PYCR2: variants seen among roughly 807,000 people sequenced by gnomAD.
PYCR2 encodes pyrroline-5-carboxylate reductase 2.
In PYCR2, 17 loss-of-function variants were observed where a neutral mutation model predicts 23.4. The ratio of observed to expected loss-of-function variants is 0.73; its 90% CI spans 0.50 to 1.09. The LOEUF (loss-of-function observed/expected upper bound fraction) is 1.09, where lower values mean the gene tolerates loss of function less well. Ranked by LOEUF, PYCR2 falls within the 50% of genes least tolerant of loss-of-function variation. The pLI is 0.00. For missense variants in PYCR2, 380 were observed against 423.5 expected (o/e 0.90, Z 0.90); for synonymous variants, 172 against 176.6 (o/e 0.97, Z 0.21).
At position 225,922,358 on chromosome 1, in the gene PYCR2, C is replaced by T. The variant is rs1158643590; in HGVS notation, c.164G>A (p.Ser55Asn). The T allele has an allele frequency of 1.2e-6, 2 of 1,613,808 alleles. No homozygotes were observed. Among genetic ancestry groups the T allele is most frequent in the South Asian group, 2.2e-5 (2 of 91,078 alleles). Reference protein sequence around the residue: ...LRKMGVNLTRSNKETVKHSDV... With the variant: ...LRKMGVNLTRNNKETVKHSDV... Reference sequence around the variant, plus strand: ...GCTGTGCTTCACCGTCTCCTTGTTGCTGCGTGTCAGGTTCACACCCATCTT... The same window carrying T: ...GCTGTGCTTCACCGTCTCCTTGTTGTTGCGTGTCAGGTTCACACCCATCTT... The change falls in exon 3 of 7, where the codon AGC becomes AAC. Residue 55 changes from serine (S) to asparagine (N), a missense_variant. Ser to Asn is a conservative substitution (Grantham distance 46, BLOSUM62 1). Transcript: ENST00000343818.
Position 225,921,456 on chromosome 1 carries a change from C to T in PYCR2, c.634-85G>A. 6.5e-7 allele frequency: 1 copy of T among 1,548,102 alleles called. No homozygotes were observed. The highest frequency in any genetic ancestry group is 8.9e-7 in the Non-Finnish European group (1 of 1,125,908). On this transcript the variant is annotated intron_variant, in intron 5 of 6. Transcript: ENST00000343818. The surrounding 1 kb of genome is among the most constrained non-coding windows in gnomAD (Gnocchi z 4.2). Reference sequence around the variant, plus strand: ...ACCCACTGCTCCTGCCCAACTGCTACCCCAGCTTCCCAACCAACTCCCACC... The same window carrying T: ...ACCCACTGCTCCTGCCCAACTGCTATCCCAGCTTCCCAACCAACTCCCACC...
chr1:225,923,701 C>A lies in PYCR2; in HGVS notation c.138G>T (p.Arg46Ser). Residue 46 changes from arginine (R) to serine (S), a missense_variant and splice_region_variant, in exon 2 of 7, where the codon AGG becomes AGT. Physicochemically the swap from Arg to Ser is moderately radical, Grantham distance 110. Coordinates refer to ENST00000343818, the MANE Select transcript of PYCR2 (RefSeq NM_013328.4). The stretch of plus-strand genomic sequence containing the variant: ...TCCCACTCCGCCCGGCTCCACCTAC[C>A]CTGAGCGCGGACACCGTGGGCAGGT... The part of the protein sequence containing the change: ...EMNLPTVSAL[R>S]KMGVNLTRSN... 1.2e-6 allele frequency: 2 copies of A among 1,614,130 alleles called. No homozygotes were observed. Among genetic ancestry groups the A allele is most frequent in the South Asian group, 2.2e-5 (2 of 91,076 alleles).
At position 225,921,072 on chromosome 1, in the gene PYCR2, G is replaced by C; in HGVS notation, c.797+136C>G. The C allele has an allele frequency of 1.1e-6, 1 of 897,652 alleles. No individual in the cohort carries two copies. The highest frequency in any genetic ancestry group is 1.7e-6 in the Non-Finnish European group (1 of 588,704). 55.6% of individuals were successfully genotyped at this position (897,652 alleles called of 1,614,324 possible). A position where few individuals can be genotyped will look rare whatever the true frequency, so the allele number is the denominator to read the frequency against. On this transcript the variant is annotated intron_variant, in intron 6 of 6. Transcript: ENST00000343818. The surrounding 1 kb of genome is among the most constrained non-coding windows in gnomAD (Gnocchi z 4.2). ...AGGTAAACAAAATCTACTAAGTTGTGGTTATTAACAGAGCACAGACTCCAA... is the reference window on the plus strand; with the variant it reads ...AGGTAAACAAAATCTACTAAGTTGTCGTTATTAACAGAGCACAGACTCCAA...
chr1:225,920,318 G>T lies in PYCR2; in HGVS notation c.*137C>A. The T allele has an allele frequency of 1.3e-6, 1 of 785,220 alleles. No homozygotes were observed. The highest frequency in any genetic ancestry group is 1.9e-6 in the Non-Finnish European group (1 of 536,868). The allele number at this position is 785,220 out of a possible 1,614,324, so 48.6% of individuals were successfully genotyped here. A position where few individuals can be genotyped will look rare whatever the true frequency, so the allele number is the denominator to read the frequency against. ...AGATTTAAGGAGGTTTTATCACAAG[G>T]ACCTGAAAACTTCCTAAGCATGCTT... On this transcript the variant is annotated 3_prime_UTR_variant, in exon 7 of 7. Transcript: ENST00000343818.
In PYCR2 at chr1:225,921,774, C is replaced by T. The variant is rs567135379; in HGVS notation, c.540+84G>A. On this transcript the variant is annotated intron_variant, in intron 4 of 6. Transcript: ENST00000343818. This position sits in a 1 kb window ranked among gnomAD's most constrained non-coding sequence, Gnocchi z 4.2. ...CAGCCAGCTGTGCCCAAGAGGTGGG[C>T]GCCACCCCCAGTCCAAGCCTGCCTG... is the stretch of plus-strand genomic sequence containing the variant. 2.8e-5 allele frequency: 45 copies of T among 1,588,730 alleles called. No homozygotes were observed. The highest frequency in any genetic ancestry group is 3.3e-4 in the Middle Eastern group (2 of 5,986).
intron 2 of PYCR2, 85 bp downstream of exon 2, chr1:225,923,616 G>C: frequency 6.2e-7 from 1 of 1,603,394 alleles, no homozygotes; most frequent in South Asian, 1.1e-5. Flanking sequence ...GCACTTGGGC[G>C]CAGGGGCCGG....
chr1:225,921,289 A>AT lies in PYCR2; in HGVS notation c.715dup (p.Ile239AsnfsTer21). On this transcript the variant is annotated frameshift_variant, in exon 6 of 7. Coordinates refer to ENST00000343818, the MANE Select transcript of PYCR2 (RefSeq NM_013328.4). LOFTEE classifies it high-confidence loss of function. The surrounding 1 kb of genome is among the most constrained non-coding windows in gnomAD (Gnocchi z 4.2). ...ACTCTCTAGAAAGTGCAGGGCGTGG[A>AT]TGGTGGCTCCCCCAGGGGAGCAGAC... The AT allele has an allele frequency of 6.2e-7, 1 of 1,609,948 alleles. No homozygotes were observed. Among genetic ancestry groups the AT allele is most frequent in the Non-Finnish European group, 8.5e-7 (1 of 1,176,172 alleles).
Position 225,923,760 on chromosome 1 carries a change from C to A in PYCR2, c.79G>T (p.Ala27Ser). Residue 27 changes from alanine (A) to serine (S), a missense_variant, in exon 2 of 7, where the codon GCT becomes TCT. By Grantham distance (99) the Ala-to-Ser change is moderately conservative. Coordinates refer to ENST00000343818, the MANE Select transcript of PYCR2 (RefSeq NM_013328.4). ...RGFTAAGILS[A>S]HKIIASSPEM... ...GGGGAGCTGGCTATTATCTTGTGAG[C>A]CGACAGGATGCCTGCAGAAGACAGA... The A allele has an allele frequency of 1.2e-6, 2 of 1,614,200 alleles. No homozygotes were observed. The highest frequency in any genetic ancestry group is 1.7e-6 in the Non-Finnish European group (2 of 1,180,026).
At chr1:225,923,914 C>A in intron 1 of PYCR2, 130 bp downstream of exon 1, 3 of 1,470,916 alleles carry the variant, frequency 2.0e-6, no homozygotes, top group South Asian at 2.4e-5. Context: ...GACGCACTTG[C>A]TGCTCAACCA....
Position 225,923,713 on chromosome 1 carries a change from C to T in PYCR2, c.126G>A (p.Val42=). Residue 42 remains valine (V), a synonymous_variant, in exon 2 of 7, where the codon GTG becomes GTA. Transcript: ENST00000343818. The part of the protein sequence containing the change: ...ASSPEMNLPT[V]SALRKMGVNL... ...CGGCTCCACCTACCCTGAGCGCGGA[C>T]ACCGTGGGCAGGTTCATTTCTGGGG... The T allele has an allele frequency of 1.2e-6, 2 of 1,614,156 alleles. No homozygotes were observed. Among genetic ancestry groups the T allele is most frequent in the East Asian group, 2.2e-5 (1 of 44,874 alleles).
chr1:225,921,922 C>A lies in PYCR2; in HGVS notation c.476G>T (p.Cys159Phe). 1 of 1,613,952 alleles carries A rather than the reference C, an allele frequency of 6.2e-7. No individual in the cohort carries two copies. Among genetic ancestry groups the A allele is most frequent in the Non-Finnish European group, 8.5e-7 (1 of 1,180,036 alleles). The change falls in exon 4 of 7, where the codon TGC becomes TTC. Residue 159 changes from cysteine (C) to phenylalanine (F), a missense_variant. Transcript: ENST00000343818. The surrounding 1 kb of genome is among the most constrained non-coding windows in gnomAD (Gnocchi z 4.2). ...LEQLMSSVGF[C>F]TEVEEDLIDA... ...GATGAGGTCCTCTTCCACCTCAGTG[C>A]AGAAGCCCACGCTGCTCATGAGCTG... is the stretch of plus-strand genomic sequence containing the variant.
At position 225,921,986 on chromosome 1, in the gene PYCR2, C is replaced by A; in HGVS notation, c.412G>T (p.Gly138Cys). 1 of 1,614,154 alleles carries A rather than the reference C, an allele frequency of 6.2e-7. No homozygotes were observed. The highest frequency in any genetic ancestry group is 8.5e-7 in the Non-Finnish European group (1 of 1,180,008). Residue 138 changes from glycine to cysteine, a missense_variant, in exon 4 of 7, where the codon GGC becomes TGC. Transcript: ENST00000343818. This position sits in a 1 kb window ranked among gnomAD's most constrained non-coding sequence, Gnocchi z 4.2. Reference sequence around the variant, plus strand: ...CCATCCTCCACCAGGGCATGGGTGCCCGTGGCGTACACTGTAGCGCCTTCC... The same window carrying A: ...CCATCCTCCACCAGGGCATGGGTGCACGTGGCGTACACTGTAGCGCCTTCC... ...VQEGATVYAT[G>C]THALVEDGQL...
At chr1:225,922,581 T>G in intron 2 of PYCR2, 198 bp from the exon 3 acceptor site, 1 of 593,110 alleles carries the variant, frequency 1.7e-6, no homozygotes, top group Non-Finnish European at 2.9e-6. Flanking sequence ...AGCACAGGCT[T>G]GGAGCATGAC....
chr1:225,923,322 G>T, intron 2 of PYCR2: 1 of 448,614 alleles, frequency 2.2e-6, no homozygotes, highest in Non-Finnish European at 3.0e-6. Context: ...GAGGTGGGAG[G>T]CGGAGGTTAC....
At chr1:225,922,486 A>C (rs1487000246) in intron 2 of PYCR2, 103 bp from the exon 3 acceptor site, 1 of 1,262,482 alleles carries the variant, frequency 7.9e-7, no homozygotes, top group Non-Finnish European at 1.1e-6. Context: ...TGCCAGATGC[A>C]GCCTGGAATT....
chr1:225,924,003 G>C, intron 1 of PYCR2, 41 bp downstream of exon 1: 1 of 1,532,212 alleles, frequency 6.5e-7, no homozygotes, highest in Non-Finnish European at 8.8e-7. Flanking sequence ...CTCGGGCCTC[G>C]GGACCGCCCG....
chr1:225,922,740 C>T (rs941119479), intron 2 of PYCR2: 2 of 270,812 alleles, frequency 7.4e-6, no homozygotes, highest in Non-Finnish European at 1.4e-5. Context: ...AAAAGCACAG[C>T]TGAGTCAGGC....
Position 225,922,026 on chromosome 1 carries a change from T to A in PYCR2, c.372A>T (p.Thr124=). The change falls in exon 4 of 7, where the codon ACA becomes ACT. Residue 124 remains threonine, a synonymous_variant. Transcript: ENST00000343818. ...APKVIRCMTN[T]PVVVQEGATV... ...TAGCGCCTTCCTGCACTACCACAGG[T>A]GTGTTGGTCATGCAGCGAATCACTT... 14 of 1,614,052 alleles carry A rather than the reference T, an allele frequency of 8.7e-6. No homozygotes were observed. Among genetic ancestry groups the A allele is most frequent in the Non-Finnish European group, 1.1e-5 (13 of 1,180,008 alleles).
rs1671826364 is a variant in PYCR2 at position 225,921,202 on chromosome 1, A to T, written c.797+6T>A. On this transcript the variant is annotated splice_donor_region_variant and intron_variant, in intron 6 of 6. Coordinates refer to ENST00000343818, the MANE Select transcript of PYCR2 (RefSeq NM_013328.4). The surrounding 1 kb of genome is among the most constrained non-coding windows in gnomAD (Gnocchi z 4.2). ...TCTGGGACAGAAGTCCGCGGGATGG[A>T]CTCACCGTGTTCGGATACAGGAGGC... 1 of 1,611,828 alleles carries T rather than the reference A, an allele frequency of 6.2e-7. No homozygotes were observed. Among genetic ancestry groups the T allele is most frequent in the Non-Finnish European group, 8.5e-7 (1 of 1,178,734 alleles).
Sources: allele counts gnomAD v4.1 joint callset, GRCh38; gene constraint gnomAD v4.1.1; non-coding constraint Gnocchi (gnomAD v3.1); transcripts MANE v1.5; gene names NCBI Gene and HGNC (gene_info 2026-07-23, HGNC 2026-07-21).